PRKN: variants seen among roughly 807,000 people sequenced by gnomAD.
The protein encoded by PRKN is parkin RBR E3 ubiquitin protein ligase.
In PRKN, 56 loss-of-function variants were observed where a neutral mutation model predicts 59.5. The observed-to-expected ratio is 0.94, with a 90% CI of 0.76 to 1.18. The LOEUF is 1.18. Among genes scored for constraint, PRKN ranks in the 50% most tolerant of loss-of-function variants. PRKN has a pLI of 0.00. For synonymous variants in PRKN, 250 were observed against 222.1 expected (o/e 1.13, Z -1.12); for missense variants, 657 against 596.4 (o/e 1.10, Z -1.06).
chr6:161,464,866 G>A (rs961320218), intron 9 of PRKN, among the ~76,000 whole-genome samples: 2 of 152,152 alleles, frequency 1.3e-5, no homozygotes, highest in Non-Finnish European at 2.9e-5. Flanking sequence ...CCTCCACCTT[G>A]GCTTCCCCAC....
intron 6 of PRKN, among the ~76,000 whole-genome samples, chr6:161,912,246 G>A (rs532234188): frequency 2.1e-4 from 32 of 151,820 alleles, no homozygotes; most frequent in Non-Finnish European, 4.0e-4. Context: ...TTCCTTGAGC[G>A]GACGTTAAAA....
At chr6:162,418,839 C>T (rs552601537) in intron 2 of PRKN, among the ~76,000 whole-genome samples, 6 of 151,824 alleles carry the variant, frequency 4.0e-5, no homozygotes, top group Middle Eastern at 3.4e-3. Context: ...CCACTGCAGC[C>T]CCCAAAAGCC....
intron 2 of PRKN, among the ~76,000 whole-genome samples, chr6:162,416,575 T>G (rs1788638807): frequency 6.6e-6 from 1 of 152,216 alleles, no homozygotes; most frequent in Admixed American, 6.5e-5. Flanking sequence ...GTAAGAATTT[T>G]TCTGTGTGTA....
chr6:162,455,844 A>G (rs985977295), intron 1 of PRKN, among the ~76,000 whole-genome samples: 2 of 152,214 alleles, frequency 1.3e-5, no homozygotes, highest in East Asian at 3.9e-4. Flanking sequence ...ATTTTTCCCA[A>G]TGTTTCAAAA....
chr6:161,536,339 G>A (rs1321551731), intron 9 of PRKN, among the ~76,000 whole-genome samples: 1 of 151,742 alleles, frequency 6.6e-6, no homozygotes, highest in East Asian at 1.9e-4. Flanking sequence ...AGGGTCAAGG[G>A]ATTAGCAAGA....
chr6:162,654,781 G>A (rs1303680387), intron 1 of PRKN, among the ~76,000 whole-genome samples: 4 of 152,062 alleles, frequency 2.6e-5, no homozygotes, highest in South Asian at 4.1e-4. Context: ...CAATCATGGC[G>A]GAAGGGGAAG....
intron 5 of PRKN, among the ~76,000 whole-genome samples, chr6:161,997,779 CAG>C (rs1173125297): frequency 3.9e-5 from 6 of 152,266 alleles, no homozygotes; most frequent in South Asian, 4.1e-4. Context: ...TCAAGTTGGA[CAG>C]AGTTATCAAT....
chr6:162,672,319 T>C (rs537931337), intron 1 of PRKN, among the ~76,000 whole-genome samples: 2 of 152,236 alleles, frequency 1.3e-5, no homozygotes, highest in African/African-American at 4.8e-5. Flanking sequence ...CACTCAAAAC[T>C]TACAGTTTTC....
chr6:161,635,021 C>T (rs935127774), intron 7 of PRKN, among the ~76,000 whole-genome samples: 27 of 152,272 alleles, frequency 1.8e-4, no homozygotes, highest in African/African-American at 6.0e-4. Context: ...GAGGCCGATG[C>T]TCCTTCCTCA....
chr6:162,100,968 A>AT (rs1779947982), intron 4 of PRKN, among the ~76,000 whole-genome samples: 1 of 152,008 alleles, frequency 6.6e-6, no homozygotes, highest in Non-Finnish European at 1.5e-5. Flanking sequence ...TTCCTTATCT[A>AT]TTTTGAATAT....
At chr6:162,181,747 ATTAT>A (rs1783812914) in intron 4 of PRKN, among the ~76,000 whole-genome samples, 1 of 152,148 alleles carries the variant, frequency 6.6e-6, no homozygotes, top group African/African-American at 2.4e-5. Context: ...TGTGCATTTG[ATTAT>A]TTATTCCATC....
At chr6:162,386,341 A>T in intron 2 of PRKN, among the ~76,000 whole-genome samples, 1 of 152,382 alleles carries the variant, frequency 6.6e-6, no homozygotes, top group East Asian at 1.9e-4. Context: ...TGTCAAGTTT[A>T]AAAGTATATT....
At chr6:161,635,984 C>G (rs1349160123) in intron 7 of PRKN, among the ~76,000 whole-genome samples, 1 of 152,158 alleles carries the variant, frequency 6.6e-6, no homozygotes, top group Non-Finnish European at 1.5e-5. Context: ...CCACACATGC[C>G]CCAGGGCTGT....
intron 11 of PRKN, among the ~76,000 whole-genome samples, chr6:161,351,032 T>A (rs188679264): frequency 0.062 from 4,482 of 71,840 alleles, 289 homozygotes; most frequent in African/African-American, 0.073. Flanking sequence ...ATATTTATAT[T>A]TAAAATATAT....
intron 7 of PRKN, among the ~76,000 whole-genome samples, chr6:161,606,234 A>G (rs1350553022): frequency 6.6e-6 from 1 of 152,128 alleles, no homozygotes; most frequent in African/African-American, 2.4e-5. Context: ...AAGCTGCTCA[A>G]CTCTCCAGTT....
At chr6:161,918,885 G>T (rs957000520) in intron 6 of PRKN, among the ~76,000 whole-genome samples, 102 of 152,202 alleles carry the variant, frequency 6.7e-4, no homozygotes, top group African/African-American at 2.4e-3. Context: ...CGGTGAGGAA[G>T]TAGAGAAACT....
chr6:161,763,454 T>C (rs971761334), intron 7 of PRKN, among the ~76,000 whole-genome samples: 1 of 151,898 alleles, frequency 6.6e-6, no homozygotes, highest in Non-Finnish European at 1.5e-5. Flanking sequence ...TCTGTTCCTG[T>C]CAACCAGATG....
rs9458300 is a variant in PRKN at position 161,550,773 on chromosome 6, G to A, written c.934-1770C>T. Among the ~76,000 whole-genome samples the A allele has an allele frequency of 0.19, 28,244 of 149,988 alleles. 2,833 individuals are homozygous for A. Among genetic ancestry groups the A allele is most frequent in the Middle Eastern group, 0.27 (79 of 294 alleles). On this transcript the variant is annotated intron_variant, in intron 8 of 11. Coordinates refer to ENST00000366898, the MANE Select transcript of PRKN (RefSeq NM_004562.3). This position sits in a 1 kb window ranked among gnomAD's most constrained non-coding sequence, Gnocchi z 4.0. ...TGTGTGTGTGTGTGTAGGGAGTTGA[G>A]GCATGAAATAATTATTTCTATTGTG...
At position 161,548,892 on chromosome 6, in the gene PRKN, T is replaced by C; in HGVS notation, c.1045A>G (p.Lys349Glu). ...AGLLPEPDQR[K>E]VTCEGGNGLG... is the part of the protein sequence containing the mutation. ...CCATTGCCCCCTTCGCAGGTGACTTTCCTCTGGTCAGGCTCCGGCAGCAGC... is the reference window on the plus strand; with the variant it reads ...CCATTGCCCCCTTCGCAGGTGACTTCCCTCTGGTCAGGCTCCGGCAGCAGC... Residue 349 changes from lysine (K) to glutamate (E), a missense_variant, in exon 9 of 12, where the codon AAA becomes GAA. Transcript: ENST00000366898. The surrounding 1 kb of genome is among the most constrained non-coding windows in gnomAD (Gnocchi z 4.2). 1 of 1,614,124 alleles carries C rather than the reference T, an allele frequency of 6.2e-7. No homozygotes were observed. Among genetic ancestry groups the C allele is most frequent in the Non-Finnish European group, 8.5e-7 (1 of 1,180,028 alleles).
Sources: allele counts gnomAD v4.1 joint callset (sites outside exome capture counted in the v4.1 genomes callset), GRCh38; gene constraint gnomAD v4.1.1; non-coding constraint Gnocchi (gnomAD v3.1); transcripts MANE v1.5; gene names NCBI Gene and HGNC (gene_info 2026-07-23, HGNC 2026-07-21).